TPRG1: variants seen among roughly 807,000 people sequenced by gnomAD.
TPRG1 encodes the protein tumor protein p63 regulated 1.
In TPRG1, 29 loss-of-function variants were observed where a neutral mutation model predicts 29.3. That is an observed-to-expected ratio of 0.99 (90% CI 0.74 to 1.35). The LOEUF is 1.35. Among genes scored for constraint, TPRG1 ranks in the 40% most tolerant of loss-of-function variants. TPRG1 has a pLI of 0.00. For synonymous variants in TPRG1, 130 were observed against 116.8 expected (o/e 1.11, Z -0.73); for missense variants, 327 against 335.0 (o/e 0.98, Z 0.19).
intron 4 of TPRG1, among the ~76,000 whole-genome samples, chr3:189,256,622 A>G (rs1711936002): frequency 6.6e-6 from 1 of 152,096 alleles, no homozygotes; most frequent in African/African-American, 2.4e-5. Context: ...GTCTCCCACT[A>G]TTATTGTGTG....
chr3:189,002,286 C>CT (rs11351272), intron 2 of TPRG1, among the ~76,000 whole-genome samples: 79 of 148,516 alleles, frequency 5.3e-4, no homozygotes, highest in South Asian at 1.1e-3. Flanking sequence ...CCAACATTCT[C>CT]TTTTTTTTTT....
Position 189,227,505 on chromosome 3 carries a change from AT to A in TPRG1, c.303-11221del, listed in dbSNP as rs200399683. On this transcript the variant is annotated intron_variant, in intron 3 of 5. Transcript: ENST00000345063. ...TCATGCTGGTTGCTTTGGAGCTGTC[AT>A]TTTTTTCCCTCTAGCCTTGAGATTG... Among the ~76,000 whole-genome samples the A allele has an allele frequency of 7.8e-3, 1,192 of 152,136 alleles. 19 individuals carry two copies. The highest frequency in any genetic ancestry group is 0.028 in the African/African-American group (1,151 of 41,490).
chr3:189,127,906 T>C (rs1722670885), intron 2 of TPRG1, among the ~76,000 whole-genome samples: 1 of 152,108 alleles, frequency 6.6e-6, no homozygotes, highest in African/African-American at 2.4e-5. Flanking sequence ...TATGTAAAAA[T>C]GTTGTGTTCA....
intron 4 of TPRG1, among the ~76,000 whole-genome samples, chr3:189,052,489 G>T (rs1020377993): frequency 1.3e-5 from 2 of 152,204 alleles, no homozygotes; most frequent in Admixed American, 6.5e-5. Flanking sequence ...CTACACTGCT[G>T]GTGGGAATGT....
At position 189,056,223 on chromosome 3, in the gene TPRG1, T is replaced by C. The variant is rs572828988; in HGVS notation, c.-463+32277T>C. On this transcript the variant is annotated intron_variant, in intron 4 of 10. Transcript: ENST00000433971. ...CGAGTCTCATGCCTCAGTCTCCCAA[T>C]TAGCTGGGATTACAGGCACATGCCA... 1.2e-4 allele frequency among the ~76,000 whole-genome samples: 18 copies of C among 152,144 alleles called. No homozygotes were observed. The South Asian group carries it at 3.7e-3, about 32-fold the overall frequency.
chr3:189,134,124 G>A (rs1345088029), intron 3 of TPRG1, among the ~76,000 whole-genome samples: 3 of 152,136 alleles, frequency 2.0e-5, no homozygotes, highest in Non-Finnish European at 4.4e-5. Flanking sequence ...GTCTTTGAAA[G>A]TAGTGACACC....
chr3:189,198,978 A>G (rs1192931288), intron 1 of TPRG1, among the ~76,000 whole-genome samples: 1 of 152,240 alleles, frequency 6.6e-6, no homozygotes, highest in Admixed American at 6.5e-5. Context: ...AAAAATAAAT[A>G]CATGCTGTGA....
chr3:189,128,840 G>GCTCA (rs1056492243), intron 2 of TPRG1, among the ~76,000 whole-genome samples: 4 of 152,250 alleles, frequency 2.6e-5, no homozygotes, highest in Admixed American at 6.5e-5. Context: ...CGCAATCTCG[G>GCTCA]CTCACTGCAA....
intron 3 of TPRG1, among the ~76,000 whole-genome samples, chr3:189,005,767 A>G (rs1003165612): frequency 3.9e-5 from 6 of 152,078 alleles, no homozygotes; most frequent in African/African-American, 1.4e-4. Context: ...GGATATTTTC[A>G]TTACTTTTAA....
chr3:189,300,289 T>C (rs1464822093), intron 4 of TPRG1, among the ~76,000 whole-genome samples: 1 of 152,194 alleles, frequency 6.6e-6, no homozygotes, highest in Admixed American at 6.5e-5. Context: ...TATAAAACTA[T>C]CTTGTGAGCT....
At chr3:189,190,184 G>A (rs937839297) in intron 1 of TPRG1, among the ~76,000 whole-genome samples, 3 of 152,188 alleles carry the variant, frequency 2.0e-5, no homozygotes, top group Non-Finnish European at 4.4e-5. Flanking sequence ...GGAATAGTCA[G>A]ACTTATCCAT....
rs150966351 is a variant in TPRG1, at chr3:189,093,432, A to C, written c.-462-33625A>C. Among the ~76,000 whole-genome samples the C allele has an allele frequency of 3.9e-3, 600 of 152,318 alleles. 6 individuals carry two copies. Among genetic ancestry groups the C allele is most frequent in the African/African-American group, 0.014 (573 of 41,576 alleles). ...GGAGGAATATTAATTTTGGCTTCTA[A>C]ACAGGCAGATTTTCATAAATTTATT... On this transcript the variant is annotated intron_variant, in intron 4 of 10. Coordinates refer to the TPRG1 transcript ENST00000433971.
intron 4 of TPRG1, among the ~76,000 whole-genome samples, chr3:189,304,116 G>GTTTT (rs67456701): frequency 7.3e-6 from 1 of 137,050 alleles, no homozygotes; most frequent in Non-Finnish European, 1.6e-5. Flanking sequence ...GTTAACTCTT[G>GTTTT]TTTTTTTTTT....
chr3:189,066,843 GA>G (rs747399177), intron 4 of TPRG1, among the ~76,000 whole-genome samples: 4 of 151,974 alleles, frequency 2.6e-5, no homozygotes, highest in Non-Finnish European at 4.4e-5. Flanking sequence ...GAAAAAAACA[GA>G]AAAGGCATCC....
intron 4 of TPRG1, among the ~76,000 whole-genome samples, chr3:189,302,490 G>A (rs924429444): frequency 5.9e-5 from 9 of 152,166 alleles, no homozygotes; most frequent in East Asian, 1.9e-4. Flanking sequence ...GTGAGGCTCC[G>A]TGTACAGAAT....
At chr3:189,262,298 CTGGAT>C (rs1713251367) in intron 4 of TPRG1, among the ~76,000 whole-genome samples, 1 of 150,014 alleles carries the variant, frequency 6.7e-6, no homozygotes, top group African/African-American at 2.5e-5. Context: ...TTTGAAATGA[CTGGAT>C]TGGGTTTTTT....
At chr3:189,077,926 C>G (rs978291347) in intron 4 of TPRG1, among the ~76,000 whole-genome samples, 1 of 152,062 alleles carries the variant, frequency 6.6e-6, no homozygotes, top group African/African-American at 2.4e-5. Flanking sequence ...TTCTTCCAAA[C>G]AAAGATGATC....
chr3:189,109,687 T>TA (rs1720273522), intron 1 of TPRG1, among the ~76,000 whole-genome samples: 1 of 152,114 alleles, frequency 6.6e-6, no homozygotes, highest in African/African-American at 2.4e-5. Flanking sequence ...TTTCCCCACC[T>TA]AAAAAAATTA....
intron 4 of TPRG1, among the ~76,000 whole-genome samples, chr3:189,033,765 A>G (rs1223558400): frequency 6.6e-6 from 1 of 151,956 alleles, no homozygotes; most frequent in Non-Finnish European, 1.5e-5. Flanking sequence ...TTTAGTAGTG[A>G]CAGGGTTTCA....
Sources: gnomAD v4.1 joint callset for allele counts (sites outside exome capture counted in the v4.1 genomes callset) on GRCh38, gnomAD v4.1.1 for gene constraint, MANE v1.5 for transcripts, NCBI Gene and HGNC (gene_info 2026-07-23, HGNC 2026-07-21) for gene names.